The following MTMR7 variants were observed in gnomAD, a reference collection of about 807,000 sequenced individuals.
The protein encoded by MTMR7 is myotubularin related protein 7, also known as phosphatidylinositol-3-phosphate phosphatase MTMR7.
Under a neutral mutation model 81.2 loss-of-function variants are expected in MTMR7, and 76 were observed. The observed-to-expected ratio is 0.94, with a 90% CI of 0.78 to 1.13. The LOEUF (loss-of-function observed/expected upper bound fraction) is 1.13, where lower values mean the gene tolerates loss of function less well. Ranked by LOEUF, MTMR7 falls within the 50% of genes most tolerant of loss-of-function variation. The pLI is 0.00. For synonymous variants in MTMR7, 372 were observed against 289.8 expected, an observed-to-expected ratio of 1.28 and a Z score of -2.88; for missense variants, 1,044 against 820.0, an observed-to-expected ratio of 1.27 and a Z score of -3.34.
intron 1 of MTMR7, among the ~76,000 whole-genome samples, chr8:17,410,140 G>C (rs1023277546): frequency 2.0e-5 from 3 of 149,298 alleles, no homozygotes; most frequent in African/African-American, 5.0e-5. Flanking sequence ...TTAGAAAAGA[G>C]CAAAAAAAAA....
intron 4 of MTMR7, 76 bp from the exon 5 acceptor site, chr8:17,349,157 C>T (rs932119542): frequency 6.5e-7 from 1 of 1,541,230 alleles, no homozygotes; most frequent in Non-Finnish European, 8.9e-7. Flanking sequence ...AATTCCACTT[C>T]ACCACGCTTA....
At chr8:17,332,601 G>T (rs1819061235) in intron 6 of MTMR7, among the ~76,000 whole-genome samples, 1 of 152,178 alleles carries the variant, frequency 6.6e-6, no homozygotes, top group South Asian at 2.1e-4. Flanking sequence ...GGCAAACTGG[G>T]AGCTGCTGCC....
At chr8:17,356,845 C>T (rs955902754) in intron 4 of MTMR7, among the ~76,000 whole-genome samples, 3 of 152,116 alleles carry the variant, frequency 2.0e-5, no homozygotes, top group Admixed American at 1.3e-4. Context: ...CAATACCAAC[C>T]GTCGGGGAGT....
chr8:17,352,863 G>A (rs1357033820), intron 4 of MTMR7, among the ~76,000 whole-genome samples: 1 of 152,168 alleles, frequency 6.6e-6, no homozygotes, highest in Non-Finnish European at 1.5e-5. Flanking sequence ...ATAAAATTAT[G>A]TAACCACTAT....
Position 17,304,500 on chromosome 8 carries a change from A to G in MTMR7, c.1372T>C (p.Ser458Pro). ...TTCTTCCACAGGTGAGCCCATAATGAGTATGTTCTTTCTTGAATCCTGTTA... is the reference window on the plus strand; with the variant it reads ...TTCTTCCACAGGTGAGCCCATAATGGGTATGTTCTTTCTTGAATCCTGTTA... ...RELKIQERTYSLWAHLWKNRA... is the reference protein window; with the variant it reads ...RELKIQERTYPLWAHLWKNRA... The change falls in exon 12 of 14, where the codon TCA becomes CCA. Residue 458 changes from serine (S) to proline (P), a missense_variant. Transcript: ENST00000180173. The G allele has an allele frequency of 1.2e-6, 2 of 1,613,622 alleles. No individual in the cohort carries two copies. The highest frequency in any genetic ancestry group is 2.2e-5 in the South Asian group (2 of 91,052).
In MTMR7 at chr8:17,297,309, C is replaced by T. The variant is rs921562777; in HGVS notation, c.*2553G>A. The T allele has an allele frequency of 1.3e-5, 2 of 152,024 alleles. No homozygotes were observed. Among genetic ancestry groups the T allele is most frequent in the East Asian group, 1.9e-4 (1 of 5,190 alleles). 9.4% of individuals were successfully genotyped at this position (152,024 alleles called of 1,614,324 possible). On this transcript the variant is annotated 3_prime_UTR_variant, in exon 14 of 14. Coordinates refer to ENST00000180173, the MANE Select transcript of MTMR7 (RefSeq NM_004686.5). Reference sequence around the variant, plus strand: ...GTGAGATATAAACTAAACAGACCCACTTCAAAGTTGAAAGAAATTTCTAGG... The same window carrying T: ...GTGAGATATAAACTAAACAGACCCATTTCAAAGTTGAAAGAAATTTCTAGG...
At chr8:17,324,139 C>T (rs1009315176) in intron 7 of MTMR7, among the ~76,000 whole-genome samples, 2 of 152,214 alleles carry the variant, frequency 1.3e-5, no homozygotes, top group African/African-American at 4.8e-5. Context: ...CAAGCAAGAT[C>T]TTTCCTTCCT....
intron 1 of MTMR7, among the ~76,000 whole-genome samples, chr8:17,394,607 G>C (rs1821195948): frequency 6.6e-6 from 1 of 152,152 alleles, no homozygotes; most frequent in Non-Finnish European, 1.5e-5. Context: ...AAATTACATA[G>C]AGAGTAGTGA....
At chr8:17,348,691 T>G (rs1819637024) in intron 5 of MTMR7, among the ~76,000 whole-genome samples, 1 of 152,180 alleles carries the variant, frequency 6.6e-6, no homozygotes, top group Non-Finnish European at 1.5e-5. Flanking sequence ...CAGTATTCAC[T>G]TGCATGATTA....
chr8:17,370,506 G>C (rs979565511), intron 3 of MTMR7, among the ~76,000 whole-genome samples: 1 of 125,838 alleles, frequency 7.9e-6, no homozygotes, highest in African/African-American at 3.0e-5. Flanking sequence ...AGTGAGCTGA[G>C]ATTGCACCAC....
At chr8:17,406,767 G>T (rs1035673653) in intron 1 of MTMR7, among the ~76,000 whole-genome samples, 3 of 152,050 alleles carry the variant, frequency 2.0e-5, no homozygotes, top group Admixed American at 6.6e-5. Context: ...CAAAATGCAG[G>T]ATTAGCCACA....
chr8:17,341,304 G>A, intron 6 of MTMR7, 59 bp downstream of exon 6: 2 of 1,600,506 alleles, frequency 1.2e-6, no homozygotes, highest in Non-Finnish European at 1.7e-6. Flanking sequence ...GCTAGCCTTT[G>A]CCTGTCTCCA....
chr8:17,314,020 T>A (rs1455315174), intron 7 of MTMR7, among the ~76,000 whole-genome samples: 2 of 152,106 alleles, frequency 1.3e-5, no homozygotes, highest in Non-Finnish European at 2.9e-5. Flanking sequence ...TGAGTGAAAA[T>A]GAAGAAAACC....
intron 1 of MTMR7, among the ~76,000 whole-genome samples, chr8:17,381,451 G>A (rs550593204): frequency 2.0e-5 from 3 of 152,082 alleles, no homozygotes; most frequent in African/African-American, 7.2e-5. Flanking sequence ...TAGAATGTGG[G>A]TCTTTCTATC....
At chr8:17,404,334 A>G (rs1213911601) in intron 1 of MTMR7, among the ~76,000 whole-genome samples, 1 of 152,146 alleles carries the variant, frequency 6.6e-6, no homozygotes, top group Non-Finnish European at 1.5e-5. Flanking sequence ...CCGAGATTGG[A>G]AAGAGTACAA....
At chr8:17,364,408 G>T (rs943409678) in intron 3 of MTMR7, among the ~76,000 whole-genome samples, 1 of 152,146 alleles carries the variant, frequency 6.6e-6, no homozygotes, top group Admixed American at 6.5e-5. Flanking sequence ...ATTGCCTCAA[G>T]TATTTAACAT....
intron 3 of MTMR7, among the ~76,000 whole-genome samples, chr8:17,362,671 C>G (rs867415995): frequency 2.4e-4 from 36 of 152,174 alleles, no homozygotes; most frequent in African/African-American, 8.4e-4. Context: ...TCGTTCCAGG[C>G]CCCTAATCTT....
At chr8:17,367,042 G>C (rs979794609) in intron 3 of MTMR7, among the ~76,000 whole-genome samples, 1 of 152,086 alleles carries the variant, frequency 6.6e-6, no homozygotes, top group African/African-American at 2.4e-5. Flanking sequence ...TATTAGGACT[G>C]TTAAAGCTAA....
At chr8:17,397,653 C>G (rs75751264) in intron 1 of MTMR7, among the ~76,000 whole-genome samples, 3,007 of 152,246 alleles carry the variant, frequency 0.02, 118 homozygotes, top group East Asian at 0.15. Flanking sequence ...AACTCGCCAC[C>G]CTGAAGGGAA....
Sources: allele counts gnomAD v4.1 joint callset (sites outside exome capture counted in the v4.1 genomes callset), GRCh38; gene constraint gnomAD v4.1.1; transcripts MANE v1.5; gene names NCBI Gene and HGNC (gene_info 2026-07-23, HGNC 2026-07-21).